LPP: variants seen among roughly 807,000 people sequenced by gnomAD.
LPP encodes LIM domain containing preferred translocation partner in lipoma, also known as lipoma-preferred partner.
Under a neutral mutation model 60.4 loss-of-function variants are expected in LPP, and 38 were observed. That is an observed-to-expected ratio of 0.63 (90% CI 0.49 to 0.83). The LOEUF (loss-of-function observed/expected upper bound fraction) is 0.83, where lower values mean the gene tolerates loss of function less well. Ranked by LOEUF, LPP falls within the 40% of genes least tolerant of loss-of-function variation. The pLI, the probability that LPP is intolerant of heterozygous loss-of-function variation, is 0.00. For synonymous variants in LPP, 328 were observed against 290.8 expected (o/e 1.13, Z -1.30); for missense variants, 902 against 783.6 (o/e 1.15, Z -1.80).
chr3:188,483,595 T>C (rs1805432003), intron 4 of LPP, among the ~76,000 whole-genome samples: 1 of 152,188 alleles, frequency 6.6e-6, no homozygotes, highest in Non-Finnish European at 1.5e-5. Context: ...TTAAAAAGGT[T>C]TCATTCCAGG....
chr3:188,725,723 A>G (rs763031151), intron 8 of LPP, among the ~76,000 whole-genome samples: 1 of 152,214 alleles, frequency 6.6e-6, no homozygotes, highest in Admixed American at 6.5e-5. Context: ...AAATATAGAC[A>G]GAAGTGCTTA....
chr3:188,180,270 C>A (rs1403109192), intron 1 of LPP: 1 of 154,946 alleles, frequency 6.5e-6, no homozygotes. Context: ...ACCGTGCCCA[C>A]CTTGCCCTGC....
At chr3:188,294,251 A>C (rs1334321572) in intron 2 of LPP, among the ~76,000 whole-genome samples, 2 of 152,058 alleles carry the variant, frequency 1.3e-5, no homozygotes, top group African/African-American at 4.8e-5. Context: ...GGATGCTGAA[A>C]ATGCTCTTTA....
Position 188,886,719 on chromosome 3 carries a change from A to AACAC in LPP, c.*12254_*12257dup, listed in dbSNP as rs562970107. The AACAC allele has an allele frequency of 2.5e-3, 382 of 153,768 alleles. 2 individuals carry two copies. The highest frequency in any genetic ancestry group is 0.013 in the African/African-American group (334 of 25,380). The allele number at this position is 153,768 out of a possible 1,614,324, so 9.5% of individuals were successfully genotyped here. On this transcript the variant is annotated 3_prime_UTR_variant, in exon 12 of 12. Coordinates refer to ENST00000617246, the MANE Select transcript of LPP (RefSeq NM_001375462.1). The stretch of plus-strand genomic sequence containing the variant: ...GATCATACAATTGTATTGTCTTCAA[A>AACAC]ACACACACACACACACATACACACA...
At chr3:188,570,525 C>G (rs1273202476) in intron 6 of LPP, among the ~76,000 whole-genome samples, 6 of 151,986 alleles carry the variant, frequency 3.9e-5, no homozygotes, top group Non-Finnish European at 8.8e-5. Flanking sequence ...CAATTGGTCT[C>G]AGGCAGAGAG....
At chr3:188,833,042 T>G (rs1329440169) in intron 9 of LPP, among the ~76,000 whole-genome samples, 1 of 152,248 alleles carries the variant, frequency 6.6e-6, no homozygotes, top group Non-Finnish European at 1.5e-5. Flanking sequence ...CTGCTCTGCA[T>G]GCTTGCTTCA....
chr3:188,288,836 C>CT (rs1475956355), intron 2 of LPP, among the ~76,000 whole-genome samples: 1 of 129,966 alleles, frequency 7.7e-6, no homozygotes. Context: ...CCCCCACCCC[C>CT]CCGCCCCTCT....
intron 2 of LPP, among the ~76,000 whole-genome samples, chr3:188,260,313 G>A (rs1733128741): frequency 6.6e-6 from 1 of 152,122 alleles, no homozygotes; most frequent in Admixed American, 6.5e-5. Context: ...AAAGTGCTGG[G>A]ATTAGAGGCG....
At chr3:188,841,607 G>T (rs1760042184) in intron 9 of LPP, among the ~76,000 whole-genome samples, 1 of 152,032 alleles carries the variant, frequency 6.6e-6, no homozygotes, top group Non-Finnish European at 1.5e-5. Flanking sequence ...GGCCAGGATG[G>T]TCTCTATCTC....
At position 188,884,547 on chromosome 3, in the gene LPP, A is replaced by T. The variant is rs1770443735; in HGVS notation, c.*10068A>T. ...GAAAAGGCCACTGATAAGAACAAAC[A>T]ATGGGCAGAAGGAAGCACATTGCAA... On this transcript the variant is annotated 3_prime_UTR_variant, in exon 12 of 12. Transcript: ENST00000617246. 4.3e-6 allele frequency: 1 copy of T among 230,374 alleles called. No homozygotes were observed. Among genetic ancestry groups the T allele is most frequent in the Non-Finnish European group, 8.6e-6 (1 of 116,302 alleles). The allele number at this position is 230,374 out of a possible 1,614,324, so 14.3% of individuals were successfully genotyped here. A position where few individuals can be genotyped will look rare whatever the true frequency, so the allele number is the denominator to read the frequency against.
intron 9 of LPP, among the ~76,000 whole-genome samples, chr3:188,771,432 C>T (rs943440739): frequency 6.6e-6 from 1 of 151,418 alleles, no homozygotes. Flanking sequence ...GCCTGTAATC[C>T]CAGCTACTCG....
chr3:188,366,761 G>T (rs1322212546), intron 3 of LPP, among the ~76,000 whole-genome samples: 1 of 152,190 alleles, frequency 6.6e-6, no homozygotes, highest in Non-Finnish European at 1.5e-5. Context: ...TCACATGCGT[G>T]TGAGAAAGCT....
chr3:188,277,380 A>C (rs529070226), intron 2 of LPP, among the ~76,000 whole-genome samples: 1 of 152,156 alleles, frequency 6.6e-6, no homozygotes, highest in Non-Finnish European at 1.5e-5. Context: ...GTCAACTCAG[A>C]GGAACATCTC....
chr3:188,594,709 T>A (rs1009638828), intron 6 of LPP, among the ~76,000 whole-genome samples: 2 of 152,224 alleles, frequency 1.3e-5, no homozygotes, highest in African/African-American at 2.4e-5. Flanking sequence ...TCCAATGTGT[T>A]CTCTGAAAGG....
chr3:188,785,965 A>G (rs1321176876), intron 9 of LPP, among the ~76,000 whole-genome samples: 1 of 152,218 alleles, frequency 6.6e-6, no homozygotes, highest in South Asian at 2.1e-4. Flanking sequence ...GTATGCTGAC[A>G]TGTCTCAAAT....
chr3:188,489,897 A>G (rs1028874611), intron 5 of LPP, among the ~76,000 whole-genome samples: 1 of 151,816 alleles, frequency 6.6e-6, no homozygotes, highest in East Asian at 1.9e-4. Context: ...GCTTGCTTTC[A>G]TTTGCCTACT....
chr3:188,204,755 C>G (rs1458100533), intron 1 of LPP, among the ~76,000 whole-genome samples: 4 of 152,156 alleles, frequency 2.6e-5, no homozygotes, highest in African/African-American at 9.7e-5. Context: ...ACACTTCTTC[C>G]TGTGCCAATG....
chr3:188,242,419 A>G (rs900737058), intron 2 of LPP, among the ~76,000 whole-genome samples: 1 of 151,902 alleles, frequency 6.6e-6, no homozygotes, highest in African/African-American at 2.4e-5. Context: ...AAGAAGGAAA[A>G]AAAAACCACA....
intron 3 of LPP, among the ~76,000 whole-genome samples, chr3:188,394,515 T>C (rs114522325): frequency 1.6e-3 from 236 of 151,850 alleles, no homozygotes; most frequent in African/African-American, 5.4e-3. Context: ...TATTGGTGAA[T>C]GTTGGGTCCT....
Sources: gnomAD v4.1 joint callset for allele counts (sites outside exome capture counted in the v4.1 genomes callset) on GRCh38, gnomAD v4.1.1 for gene constraint, MANE v1.5 for transcripts, NCBI Gene and HGNC (gene_info 2026-07-23, HGNC 2026-07-21) for gene names.